Variants in FLT3 observed in about 807,000 individuals in gnomAD.
The protein encoded by FLT3 is receptor-type tyrosine-protein kinase FLT3.
A neutral mutation model predicts 126.6 loss-of-function variants in FLT3; 46 were observed. That is an observed-to-expected ratio of 0.36 (90% confidence interval 0.29 to 0.46). The LOEUF is 0.46. Among genes scored for constraint, FLT3 ranks in the 20% least tolerant of loss-of-function variants. FLT3 has a pLI of 1.00. For missense variants in FLT3, 1,069 were observed against 1,190.3 expected (o/e 0.90, Z 1.50); for synonymous variants, 404 against 434.4 (o/e 0.93, Z 0.87).
chr13:28,030,588 G>A (rs912747516), intron 15 of FLT3, among the ~76,000 whole-genome samples: 1 of 152,174 alleles, frequency 6.6e-6, no homozygotes, highest in Non-Finnish European at 1.5e-5. Context: ...CAGGCAAGAC[G>A]TGGGTCCCCG....
chr13:28,057,616 G>C (rs984761853), intron 3 of FLT3, among the ~76,000 whole-genome samples, 154 bp from the exon 4 acceptor site: 1 of 152,232 alleles, frequency 6.6e-6, no homozygotes, highest in South Asian at 2.1e-4. Context: ...CATGTGCCCA[G>C]CACTCAGCCT....
At chr13:28,044,244 T>A (rs1177454430) in intron 9 of FLT3, among the ~76,000 whole-genome samples, 2 of 150,342 alleles carry the variant, frequency 1.3e-5, no homozygotes, top group Non-Finnish European at 3.0e-5. Context: ...AGGTCAGGAG[T>A]TCGAGACCAG....
chr13:28,074,429 G>A (rs1330153237), intron 1 of FLT3, among the ~76,000 whole-genome samples: 1 of 152,062 alleles, frequency 6.6e-6, no homozygotes, highest in Non-Finnish European at 1.5e-5. Flanking sequence ...TAAATACTAA[G>A]GAATTGAATG....
chr13:28,085,578 A>T (rs888475917), intron 1 of FLT3, among the ~76,000 whole-genome samples: 2 of 152,098 alleles, frequency 1.3e-5, no homozygotes, highest in Non-Finnish European at 2.9e-5. Context: ...CTTGCAGTTC[A>T]GTCAGATTTT....
At chr13:28,012,771 C>T (rs550480060) in intron 23 of FLT3, among the ~76,000 whole-genome samples, 1 of 151,988 alleles carries the variant, frequency 6.6e-6, no homozygotes, top group East Asian at 1.9e-4. Context: ...CCCGTGTCTA[C>T]CAAAAATACA....
At chr13:28,025,432 T>C (rs1325560693) in intron 17 of FLT3, 1 of 452,092 alleles carries the variant, frequency 2.2e-6, no homozygotes, top group Non-Finnish European at 4.4e-6. Context: ...AATTAATAAA[T>C]AGCAATAATA....
intron 17 of FLT3, among the ~76,000 whole-genome samples, chr13:28,026,242 C>T (rs576348900): frequency 6.7e-5 from 10 of 149,924 alleles, no homozygotes; most frequent in Admixed American, 2.7e-4. Flanking sequence ...CTCAGCTACT[C>T]GGGAGGCTGA....
At chr13:28,022,485 C>A (rs1323134387) in intron 19 of FLT3, among the ~76,000 whole-genome samples, 1 of 152,094 alleles carries the variant, frequency 6.6e-6, no homozygotes, top group East Asian at 1.9e-4. Flanking sequence ...GCACTCCAGC[C>A]TGGGCAACAG....
At chr13:28,042,465 T>C (rs1386361644) in intron 9 of FLT3, among the ~76,000 whole-genome samples, 2 of 149,700 alleles carry the variant, frequency 1.3e-5, no homozygotes, top group East Asian at 2.0e-4. Context: ...TGCAATGTTA[T>C]CTCTGGAGGT....
intron 19 of FLT3, among the ~76,000 whole-genome samples, chr13:28,018,955 T>C (rs914578813): frequency 2.1e-5 from 3 of 145,640 alleles, no homozygotes; most frequent in Non-Finnish European, 4.5e-5. Context: ...GTGTGAGAAA[T>C]AGCATCTCTT....
At chr13:28,073,133 G>C (rs1002308753) in intron 1 of FLT3, among the ~76,000 whole-genome samples, 1 of 152,112 alleles carries the variant, frequency 6.6e-6, no homozygotes, top group South Asian at 2.1e-4. Context: ...TTGAGGCCAG[G>C]AGTTTGAGAC....
chr13:28,065,111 G>T (rs1434112930), intron 2 of FLT3, among the ~76,000 whole-genome samples: 3 of 152,176 alleles, frequency 2.0e-5, no homozygotes, highest in Non-Finnish European at 4.4e-5. Flanking sequence ...GCTATGCTAT[G>T]TAAGAAAGAG....
At chr13:28,023,312 C>T (rs766763755) in intron 19 of FLT3, 38 bp downstream of exon 19, 8 of 1,058,498 alleles carry the variant, frequency 7.6e-6, no homozygotes, top group South Asian at 1.5e-5. Flanking sequence ...CTTTTCAAAT[C>T]TTTTTTTTGG....
intron 1 of FLT3, among the ~76,000 whole-genome samples, chr13:28,083,352 G>A (rs1388743833): frequency 6.6e-6 from 1 of 152,108 alleles, no homozygotes; most frequent in Non-Finnish European, 1.5e-5. Context: ...ACATCAGCGG[G>A]ACATCACCTG....
chr13:28,035,807 A>T, intron 11 of FLT3, 128 bp downstream of exon 11: 1 of 1,209,122 alleles, frequency 8.3e-7, no homozygotes, highest in Non-Finnish European at 1.2e-6. Context: ...ATTGAGAGTT[A>T]TGGTTGATTG....
intron 19 of FLT3, among the ~76,000 whole-genome samples, 199 bp from the exon 20 acceptor site, chr13:28,018,788 C>T (rs1235325495): frequency 6.6e-6 from 1 of 152,114 alleles, no homozygotes; most frequent in African/African-American, 2.4e-5. Flanking sequence ...GCTATGGTGG[C>T]TGCAGTTCTT....
At position 28,066,516 on chromosome 13, in the gene FLT3, T is replaced by C. The variant is rs117045645; in HGVS notation, c.165+3975A>G. Among the ~76,000 whole-genome samples, 207 of 152,216 alleles carry C rather than the reference T, an allele frequency of 1.4e-3. 1 individual carries two copies. The highest frequency in any genetic ancestry group is 2.7e-3 in the Non-Finnish European group (182 of 68,010). On this transcript the variant is annotated intron_variant, in intron 2 of 23. Transcript: ENST00000241453. Reference sequence around the variant, plus strand: ...AAGGGCTTGGAAAAAGATGAGGAGATGTTGAAAGGACACAGGAGCAAAACT... The same window carrying C: ...AAGGGCTTGGAAAAAGATGAGGAGACGTTGAAAGGACACAGGAGCAAAACT...
intron 1 of FLT3, among the ~76,000 whole-genome samples, chr13:28,093,596 G>C (rs1879266028): frequency 6.6e-6 from 1 of 152,076 alleles, no homozygotes; most frequent in African/African-American, 2.4e-5. Context: ...TTTTCCATCT[G>C]TGGAAAACTC....
At chr13:28,091,221 T>C (rs866710481) in intron 1 of FLT3, among the ~76,000 whole-genome samples, 7 of 113,130 alleles carry the variant, frequency 6.2e-5, no homozygotes, top group Admixed American at 3.5e-4. Flanking sequence ...TTTTTTTTTT[T>C]TTTTTTTTTT....
Sources: gnomAD v4.1 joint callset for allele counts (sites outside exome capture counted in the v4.1 genomes callset) on GRCh38, gnomAD v4.1.1 for gene constraint, MANE v1.5 for transcripts, NCBI Gene and HGNC (gene_info 2026-07-23, HGNC 2026-07-21) for gene names.